Variants in CENPP observed in about 807,000 individuals in gnomAD.
CENPP encodes centromere protein P.
In CENPP, 24 loss-of-function variants were observed where a neutral mutation model predicts 35.6. That is an observed-to-expected ratio of 0.67 (90% CI 0.49 to 0.95). CENPP has a LOEUF of 0.95. Ranked by LOEUF, CENPP falls within the 40% of genes least tolerant of loss-of-function variation. CENPP has a pLI of 0.00. For synonymous variants in CENPP, 120 were observed against 125.5 expected, an observed-to-expected ratio of 0.96 and a Z score of 0.29; for missense variants, 332 against 345.3, an observed-to-expected ratio of 0.96 and a Z score of 0.31.
At chr9:92,587,604 A>G (rs1243595258) in intron 5 of CENPP, among the ~76,000 whole-genome samples, 3 of 152,244 alleles carry the variant, frequency 2.0e-5, no homozygotes, top group Non-Finnish European at 2.9e-5. Context: ...AAGGTTACAT[A>G]TTGTATGATT....
At chr9:92,467,461 CA>C (rs1845358001) in intron 5 of CENPP, among the ~76,000 whole-genome samples, 1 of 152,178 alleles carries the variant, frequency 6.6e-6, no homozygotes, top group South Asian at 2.1e-4. Context: ...CCAGATTGTT[CA>C]AAGAGAATTT....
chr9:92,374,126 A>AC (rs1337586398), intron 4 of CENPP, among the ~76,000 whole-genome samples: 1 of 151,632 alleles, frequency 6.6e-6, no homozygotes. Flanking sequence ...GACCAAAAAA[A>AC]AAAAAAAAAA....
chr9:92,537,861 TGG>T (rs1383168745), intron 5 of CENPP, among the ~76,000 whole-genome samples: 2 of 152,172 alleles, frequency 1.3e-5, no homozygotes, highest in African/African-American at 4.8e-5. Flanking sequence ...GACAAAACTT[TGG>T]GGGTAGAAAA....
At position 92,589,176 on chromosome 9, in the gene CENPP, CA is replaced by C. The variant is rs112816928; in HGVS notation, c.565-22125del. Reference sequence around the variant, plus strand: ...AACCCTGTCTCTACCAAAAATACACCAAAAAAAAAAAAATTAGCTGGGCGTG... The same window carrying C: ...AACCCTGTCTCTACCAAAAATACACCAAAAAAAAAAAATTAGCTGGGCGTG... On this transcript the variant is annotated intron_variant, in intron 5 of 7. Coordinates refer to ENST00000375587, the MANE Select transcript of CENPP (RefSeq NM_001012267.3). Among the ~76,000 whole-genome samples the C allele has an allele frequency of 2.3e-3, 319 of 140,328 alleles. 1 individual carries two copies. The highest frequency in any genetic ancestry group is 1.9e-3 in the Admixed American group (27 of 13,972). 92.1% of individuals were successfully genotyped at this position (140,328 alleles called of 152,430 possible). A position where few individuals can be genotyped will look rare whatever the true frequency, so the allele number is the denominator to read the frequency against.
intron 4 of CENPP, among the ~76,000 whole-genome samples, chr9:92,364,414 A>T (rs918490797): frequency 6.6e-6 from 1 of 152,080 alleles, no homozygotes; most frequent in African/African-American, 2.4e-5. Context: ...TGGTTTTGAA[A>T]GATATCATTC....
At chr9:92,578,598 C>A (rs1362904115) in intron 5 of CENPP, among the ~76,000 whole-genome samples, 2 of 152,150 alleles carry the variant, frequency 1.3e-5, no homozygotes, top group Admixed American at 1.3e-4. Flanking sequence ...TAAATGTCTT[C>A]TTTTGAGAAG....
At chr9:92,391,928 A>G (rs935940016) in intron 5 of CENPP, among the ~76,000 whole-genome samples, 19 of 152,124 alleles carry the variant, frequency 1.2e-4, no homozygotes, top group African/African-American at 3.4e-4. Context: ...CTATACTTCA[A>G]TCCACATTTG....
chr9:92,571,459 TTC>T (rs1850136743), intron 5 of CENPP, among the ~76,000 whole-genome samples: 1 of 152,200 alleles, frequency 6.6e-6, no homozygotes, highest in Non-Finnish European at 1.5e-5. Flanking sequence ...TTGTTATAAT[TTC>T]TGTTCTTTTA....
At chr9:92,474,862 C>G (rs775038925) in intron 5 of CENPP, 6 of 1,613,800 alleles carry the variant, frequency 3.7e-6, no homozygotes, top group Non-Finnish European at 5.1e-6. Flanking sequence ...TGGCAGAGCA[C>G]AAAGCCAGGA....
At chr9:92,472,182 C>T (rs761103933) in intron 5 of CENPP, among the ~76,000 whole-genome samples, 3 of 150,646 alleles carry the variant, frequency 2.0e-5, no homozygotes, top group Non-Finnish European at 4.4e-5. Flanking sequence ...GTGAAAGAAA[C>T]CCCGTCTCTA....
chr9:92,374,463 C>T (rs1323900742), intron 4 of CENPP, among the ~76,000 whole-genome samples: 2 of 152,098 alleles, frequency 1.3e-5, no homozygotes, highest in African/African-American at 4.8e-5. Context: ...ACCTCGGCCT[C>T]CCAATCTTTA....
chr9:92,365,709 C>G (rs1241960463), intron 4 of CENPP, among the ~76,000 whole-genome samples: 3 of 151,720 alleles, frequency 2.0e-5, no homozygotes, highest in Non-Finnish European at 4.4e-5. Flanking sequence ...CTGTGCCCAG[C>G]CTATAACTAT....
intron 5 of CENPP, chr9:92,390,025 A>G (rs1299294337): frequency 1.9e-6 from 3 of 1,604,520 alleles, no homozygotes; most frequent in Non-Finnish European, 2.6e-6. Context: ...CTTCTATCAA[A>G]TTTCCTGTAA....
intron 3 of CENPP, among the ~76,000 whole-genome samples, chr9:92,345,074 AC>A (rs1357723847): frequency 6.7e-6 from 1 of 148,518 alleles, no homozygotes; most frequent in African/African-American, 2.5e-5. Flanking sequence ...ACACGGTGAA[AC>A]CCCGTCTCTA....
intron 5 of CENPP, among the ~76,000 whole-genome samples, chr9:92,552,556 A>G (rs1849638949): frequency 6.6e-6 from 1 of 152,146 alleles, no homozygotes; most frequent in Non-Finnish European, 1.5e-5. Context: ...GTAAGGTGGT[A>G]TCACATTGTG....
intron 5 of CENPP, among the ~76,000 whole-genome samples, chr9:92,523,604 G>A (rs182196346): frequency 5.9e-5 from 9 of 152,300 alleles, no homozygotes; most frequent in Non-Finnish European, 1.3e-4. Flanking sequence ...AGATGTTTAG[G>A]GCGAAACAGT....
chr9:92,539,870 G>C (rs931958815), intron 5 of CENPP, among the ~76,000 whole-genome samples: 2 of 152,110 alleles, frequency 1.3e-5, no homozygotes, highest in Non-Finnish European at 2.9e-5. Flanking sequence ...CATTTGGGTT[G>C]TTTCCCCTTT....
intron 5 of CENPP, among the ~76,000 whole-genome samples, chr9:92,589,455 G>A (rs1418046589): frequency 1.3e-5 from 2 of 151,272 alleles, no homozygotes; most frequent in African/African-American, 2.4e-5. Flanking sequence ...AAGACCTGCA[G>A]GGAAAAAAAA....
chr9:92,391,500 G>C (rs970929055), intron 5 of CENPP, among the ~76,000 whole-genome samples: 2 of 152,162 alleles, frequency 1.3e-5, no homozygotes, highest in East Asian at 1.9e-4. Flanking sequence ...TTGCGAGACT[G>C]AGGGACAAGA....
Sources: gnomAD v4.1 joint callset for allele counts (sites outside exome capture counted in the v4.1 genomes callset) on GRCh38, gnomAD v4.1.1 for gene constraint, MANE v1.5 for transcripts, NCBI Gene and HGNC (gene_info 2026-07-23, HGNC 2026-07-21) for gene names.